Variants in EXOC6B observed in about 807,000 individuals in gnomAD.
The protein encoded by EXOC6B is SEC15 homolog B.
EXOC6B carries 54 observed loss-of-function variants against 113.5 expected under a neutral mutation model. That is an observed-to-expected ratio of 0.48 (90% CI 0.38 to 0.60). The LOEUF (loss-of-function observed/expected upper bound fraction) is 0.60. Ranked by LOEUF, EXOC6B falls within the 20% of genes least tolerant of loss-of-function variation. The pLI is 0.00. For synonymous variants in EXOC6B, 357 were observed against 339.0 expected (o/e 1.05, Z -0.58); for missense variants, 797 against 977.5 (o/e 0.82, Z 2.46).
At chr2:72,250,165 T>G (rs1682920505) in intron 20 of EXOC6B, among the ~76,000 whole-genome samples, 1 of 152,164 alleles carries the variant, frequency 6.6e-6, no homozygotes, top group African/African-American at 2.4e-5. Context: ...TGATCAAGTT[T>G]CAATCATTTT....
intron 16 of EXOC6B, among the ~76,000 whole-genome samples, chr2:72,484,539 C>A (rs1356920860): frequency 2.0e-5 from 3 of 148,822 alleles, no homozygotes; most frequent in Non-Finnish European, 4.5e-5. Context: ...TGCACTCCAG[C>A]CTGGGCGACA....
At chr2:72,322,488 T>TGTG (rs987027912) in intron 20 of EXOC6B, among the ~76,000 whole-genome samples, 1 of 152,040 alleles carries the variant, frequency 6.6e-6, no homozygotes, top group Non-Finnish European at 1.5e-5. Context: ...TGTTCTTGGT[T>TGTG]GTGGTGGTGG....
chr2:72,330,213 T>C (rs1474165334), intron 20 of EXOC6B, among the ~76,000 whole-genome samples: 1 of 152,076 alleles, frequency 6.6e-6, no homozygotes, highest in Non-Finnish European at 1.5e-5. Context: ...TAAACTATCA[T>C]AGATTAAATA....
At chr2:72,692,982 G>T (rs1396909939) in intron 6 of EXOC6B, among the ~76,000 whole-genome samples, 1 of 152,104 alleles carries the variant, frequency 6.6e-6, no homozygotes, top group African/African-American at 2.4e-5. Flanking sequence ...CCTTAAAGAA[G>T]ATTAAGTCAA....
In EXOC6B at chr2:72,576,045, G is replaced by A. The variant is rs557531143; in HGVS notation, c.670-377C>T. ...AGTAGGCCAGGAGATTAGTGCAAACGCCTAGCATTTATCTCTTACAAGAAA... is the reference window on the plus strand; with the variant it reads ...AGTAGGCCAGGAGATTAGTGCAAACACCTAGCATTTATCTCTTACAAGAAA... On this transcript the variant is annotated intron_variant, in intron 6 of 21. Transcript: ENST00000272427. Among the ~76,000 whole-genome samples, 337 of 152,144 alleles carry A rather than the reference G, an allele frequency of 2.2e-3. 5 individuals are homozygous for A. Among genetic ancestry groups the A allele is most frequent in the African/African-American group, 7.5e-3 (310 of 41,534 alleles).
intron 20 of EXOC6B, among the ~76,000 whole-genome samples, chr2:72,223,616 T>G (rs1206676609): frequency 6.6e-6 from 1 of 152,210 alleles, no homozygotes; most frequent in African/African-American, 2.4e-5. Flanking sequence ...AAAAAGAACA[T>G]GTGTTTCTGA....
At chr2:72,181,605 A>G (rs1678096952) in intron 21 of EXOC6B, among the ~76,000 whole-genome samples, 1 of 152,240 alleles carries the variant, frequency 6.6e-6, no homozygotes, top group Non-Finnish European at 1.5e-5. Context: ...TTAATATCCT[A>G]CATTATCATT....
At chr2:72,744,917 CCTGA>C (rs1032751450) in intron 1 of EXOC6B, among the ~76,000 whole-genome samples, 11 of 152,074 alleles carry the variant, frequency 7.2e-5, no homozygotes, top group African/African-American at 2.7e-4. Flanking sequence ...ATTTTAGCTG[CCTGA>C]CTATGTGGCC....
chr2:72,692,689 G>A (rs552144356), intron 6 of EXOC6B, among the ~76,000 whole-genome samples: 8 of 152,238 alleles, frequency 5.3e-5, no homozygotes, highest in South Asian at 4.1e-4. Context: ...AATGCTTCAC[G>A]TAAGATGAAG....
In EXOC6B at chr2:72,279,589, G is replaced by T. The variant is rs1043211676; in HGVS notation, c.2196+55358C>A. Among the ~76,000 whole-genome samples, 3 of 152,040 alleles carry T rather than the reference G, an allele frequency of 2.0e-5. No homozygotes were observed. The East Asian group carries it at 5.8e-4, about 29-fold the overall frequency. ...CTTATGGATCAACATTATTGAAATA[G>T]CAGAAAAAGTGTAGATAATTTTTCT... On this transcript the variant is annotated intron_variant, in intron 20 of 21. Coordinates refer to ENST00000272427, the MANE Select transcript of EXOC6B (RefSeq NM_015189.3).
intron 1 of EXOC6B, among the ~76,000 whole-genome samples, chr2:72,802,469 T>TA (rs769057331): frequency 3.3e-5 from 5 of 152,196 alleles, no homozygotes; most frequent in Non-Finnish European, 7.3e-5. Context: ...TAGTAGGCTA[T>TA]ATCAAGTATA....
intron 6 of EXOC6B, among the ~76,000 whole-genome samples, chr2:72,706,736 TTTTTAAAAACAGCCACAAAATTC>T (rs764980109): frequency 2.0e-5 from 3 of 152,178 alleles, no homozygotes; most frequent in Non-Finnish European, 4.4e-5. Flanking sequence ...GTGGAATGGA[TTTTTAAAAACAGCCACAAAATTC>T]TTTGACACTC....
chr2:72,602,477 C>T (rs1670493459), intron 6 of EXOC6B, among the ~76,000 whole-genome samples: 1 of 152,112 alleles, frequency 6.6e-6, no homozygotes, highest in Non-Finnish European at 1.5e-5. Context: ...AATAGACCAA[C>T]CAAGTTGACA....
intron 20 of EXOC6B, among the ~76,000 whole-genome samples, chr2:72,253,295 GA>G (rs1683140867): frequency 6.6e-6 from 1 of 152,132 alleles, no homozygotes; most frequent in Non-Finnish European, 1.5e-5. Context: ...GGTGATGTCT[GA>G]AAGAACTTAA....
chr2:72,785,297 T>C (rs1684307331), intron 1 of EXOC6B, among the ~76,000 whole-genome samples: 1 of 152,212 alleles, frequency 6.6e-6, no homozygotes, highest in African/African-American at 2.4e-5. Flanking sequence ...GTGCAAGCTG[T>C]CAGTGGATCT....
At chr2:72,395,593 G>A (rs1442279901) in intron 18 of EXOC6B, among the ~76,000 whole-genome samples, 1 of 152,088 alleles carries the variant, frequency 6.6e-6, no homozygotes, top group East Asian at 1.9e-4. Flanking sequence ...TGGGAGAATG[G>A]TGCATGAACC....
intron 6 of EXOC6B, among the ~76,000 whole-genome samples, chr2:72,693,049 A>C (rs2104596862): frequency 6.6e-6 from 1 of 152,360 alleles, no homozygotes; most frequent in African/African-American, 2.4e-5. Flanking sequence ...TTAATACCAG[A>C]GGAAACTGAA....
Position 72,446,626 on chromosome 2 carries a change from G to A in EXOC6B, c.1980+18534C>T, listed in dbSNP as rs562416687. On this transcript the variant is annotated intron_variant, in intron 18 of 21. Transcript: ENST00000272427. Reference sequence around the variant, plus strand: ...CAGACACTGGGGTGTACTAGAGTGGGGAGAGTGGGAAGAAGGAGCAGAGCA... The same window carrying A: ...CAGACACTGGGGTGTACTAGAGTGGAGAGAGTGGGAAGAAGGAGCAGAGCA... Among the ~76,000 whole-genome samples the A allele has an allele frequency of 4.6e-5, 7 of 152,192 alleles. No individual in the cohort carries two copies. In the South Asian group the frequency reaches 6.2e-4, roughly 14 times the overall value.
chr2:72,376,469 G>C (rs151109834), intron 19 of EXOC6B, among the ~76,000 whole-genome samples: 1 of 151,812 alleles, frequency 6.6e-6, no homozygotes, highest in Non-Finnish European at 1.5e-5. Context: ...ATACCTTTTC[G>C]TCTTTGGCTG....
Sources: gnomAD v4.1 joint callset for allele counts (sites outside exome capture counted in the v4.1 genomes callset) on GRCh38, gnomAD v4.1.1 for gene constraint, MANE v1.5 for transcripts, NCBI Gene and HGNC (gene_info 2026-07-23, HGNC 2026-07-21) for gene names.